LIMA1: variants seen among roughly 807,000 people sequenced by gnomAD.
LIMA1 encodes the protein LIM domain and actin-binding protein 1.
A neutral mutation model predicts 62.6 loss-of-function variants in LIMA1; 52 were observed. The observed-to-expected ratio is 0.83, with a 90% CI of 0.67 to 1.05. The LOEUF is 1.05. LIMA1 is among the 50% of genes least tolerant of loss of function. LIMA1 has a pLI of 0.00. For missense variants in LIMA1, 780 were observed against 902.2 expected (o/e 0.86, Z 1.74); for synonymous variants, 302 against 317.8 (o/e 0.95, Z 0.53).
chr12:50,251,862 ACTTGT>A (rs1371891133), intron 1 of LIMA1, among the ~76,000 whole-genome samples: 1 of 152,204 alleles, frequency 6.6e-6, no homozygotes, highest in Non-Finnish European at 1.5e-5. Context: ...CCCTGACCAC[ACTTGT>A]CTTCACAGAA....
chr12:50,213,551 C>T (rs942227177), intron 4 of LIMA1, among the ~76,000 whole-genome samples: 3 of 152,244 alleles, frequency 2.0e-5, no homozygotes, highest in African/African-American at 7.2e-5. Flanking sequence ...ACTTCTTAAA[C>T]TCTCTTAAGG....
intron 9 of LIMA1, among the ~76,000 whole-genome samples, chr12:50,192,123 G>T (rs1439893891): frequency 1.4e-5 from 2 of 145,070 alleles, no homozygotes; most frequent in African/African-American, 5.2e-5. Context: ...GTGACAGAGC[G>T]AGATTCTGTC....
chr12:50,184,963 C>A (rs1182115841), intron 9 of LIMA1, among the ~76,000 whole-genome samples: 1 of 152,088 alleles, frequency 6.6e-6, no homozygotes, highest in African/African-American at 2.4e-5. Flanking sequence ...TCCTGAGTAG[C>A]TGGGATTACA....
At chr12:50,280,077 A>G (rs1355365507) in intron 1 of LIMA1, among the ~76,000 whole-genome samples, 2 of 151,984 alleles carry the variant, frequency 1.3e-5, no homozygotes, top group Non-Finnish European at 2.9e-5. Flanking sequence ...ACTTGTTATC[A>G]GAAGTACAAA....
chr12:50,279,092 GCC>G (rs1942308555), intron 1 of LIMA1, among the ~76,000 whole-genome samples: 1 of 149,166 alleles, frequency 6.7e-6, no homozygotes, highest in East Asian at 2.0e-4. Context: ...TGCAACCTCT[GCC>G]TCCTGGGTTC....
At chr12:50,238,510 A>C (rs575384492) in intron 2 of LIMA1, among the ~76,000 whole-genome samples, 155 of 151,916 alleles carry the variant, frequency 1.0e-3, no homozygotes, top group Non-Finnish European at 1.8e-3. Context: ...CTGTCTCAAA[A>C]AAAACAAAAC....
At chr12:50,279,211 G>A (rs199759752) in intron 1 of LIMA1, among the ~76,000 whole-genome samples, 1 of 150,894 alleles carries the variant, frequency 6.6e-6, no homozygotes, top group Non-Finnish European at 1.5e-5. Context: ...TCACTATGTT[G>A]GCCAGGCTGG....
At chr12:50,235,273 CTTTT>C (rs1036341264) in intron 2 of LIMA1, among the ~76,000 whole-genome samples, 2 of 124,378 alleles carry the variant, frequency 1.6e-5, no homozygotes, top group Non-Finnish European at 3.3e-5. Flanking sequence ...AATCCTATCA[CTTTT>C]TTTTTTTTTT....
rs1470996189 is a variant in LIMA1, at chr12:50,222,218, T to C, written c.433A>G (p.Ile145Val). ...EALVQGRYPH[I>V]KDGEDLKDHS... ...TCTTTAAGATCCTCACCGTCCTTGA[T>C]GTGGGGATATCGACCCTGAACGAGG... The change falls in exon 4 of 11, where the codon ATC becomes GTC. Residue 145 changes from isoleucine to valine, a missense_variant. Physicochemically the swap from Ile to Val is conservative, Grantham distance 29 (BLOSUM62 3). Transcript: ENST00000341247. 6.2e-7 allele frequency: 1 copy of C among 1,614,088 alleles called. No individual in the cohort carries two copies. Among genetic ancestry groups the C allele is most frequent in the East Asian group, 2.2e-5 (1 of 44,902 alleles).
chr12:50,213,034 C>T (rs1037729779), intron 4 of LIMA1, among the ~76,000 whole-genome samples: 5 of 152,060 alleles, frequency 3.3e-5, no homozygotes, highest in Non-Finnish European at 4.4e-5. Flanking sequence ...AGGCTGGTCT[C>T]GAACTCCTGA....
chr12:50,205,939 G>A (rs1941144026), intron 5 of LIMA1, 45 bp downstream of exon 5: 4 of 1,418,270 alleles, frequency 2.8e-6, no homozygotes, highest in Non-Finnish European at 3.0e-6. Flanking sequence ...TACTACTAGT[G>A]AGTACTTCCT....
chr12:50,261,514 C>G (rs1942073498), intron 1 of LIMA1, among the ~76,000 whole-genome samples: 1 of 152,134 alleles, frequency 6.6e-6, no homozygotes, highest in Non-Finnish European at 1.5e-5. Flanking sequence ...CACTGCTACC[C>G]TCTGTCTGAA....
chr12:50,274,734 T>C (rs1265048954), intron 1 of LIMA1, among the ~76,000 whole-genome samples: 1 of 152,106 alleles, frequency 6.6e-6, no homozygotes, highest in Non-Finnish European at 1.5e-5. Context: ...ACAGCTTCTT[T>C]AGGCAGTGAT....
intron 1 of LIMA1, among the ~76,000 whole-genome samples, chr12:50,263,882 A>ATGTATATATATATATAAAG (rs1942107279): frequency 5.6e-5 from 6 of 107,412 alleles, no homozygotes; most frequent in African/African-American, 2.3e-4. Flanking sequence ...TATATAAAGT[A>ATGTATATATATATATAAAG]TATATATATA....
chr12:50,261,586 A>G lies in LIMA1; in HGVS notation c.-23-12812T>C, dbSNP rs78639164. ...CAGCTTGGGTGACACTTTGTTCCAGATGCCTTCCCTGACCCCTCAAGCTTG... is the reference window on the plus strand; with the variant it reads ...CAGCTTGGGTGACACTTTGTTCCAGGTGCCTTCCCTGACCCCTCAAGCTTG... On this transcript the variant is annotated intron_variant, in intron 1 of 10. Coordinates refer to ENST00000341247, the MANE Select transcript of LIMA1 (RefSeq NM_016357.5). 6.8e-3 allele frequency among the ~76,000 whole-genome samples: 1,034 copies of G among 152,138 alleles called. 9 individuals are homozygous for G. Among genetic ancestry groups the G allele is most frequent in the African/African-American group, 0.024 (1,001 of 41,488 alleles).
At chr12:50,220,434 CTCACTAGATATTTATGAGAA>C (rs1351146745) in intron 4 of LIMA1, 1 of 152,202 alleles carries the variant, frequency 6.6e-6, no homozygotes, top group Non-Finnish European at 1.5e-5. Flanking sequence ...TGACCCATAT[CTCACTAGATATTTATGAGAA>C]AAAGTGTCTC....
chr12:50,268,594 A>AATTAGTATT (rs1555211381), intron 1 of LIMA1, among the ~76,000 whole-genome samples: 4 of 149,188 alleles, frequency 2.7e-5, no homozygotes, highest in African/African-American at 9.9e-5. Context: ...GCCATGAAGC[A>AATTAGTATT]ATTATTATTA....
intron 2 of LIMA1, among the ~76,000 whole-genome samples, chr12:50,245,583 CT>C (rs1355105128): frequency 6.6e-6 from 1 of 151,168 alleles, no homozygotes; most frequent in East Asian, 1.9e-4. Flanking sequence ...GTTTTCTCCC[CT>C]ATCACTTTTT....
intron 10 of LIMA1, among the ~76,000 whole-genome samples, chr12:50,180,411 G>A (rs775684196): frequency 1.3e-5 from 2 of 152,098 alleles, no homozygotes; most frequent in Non-Finnish European, 2.9e-5. Context: ...GGAGACAAAG[G>A]TTGCAGTGAG....
Sources: allele counts gnomAD v4.1 joint callset (sites outside exome capture counted in the v4.1 genomes callset), GRCh38; gene constraint gnomAD v4.1.1; transcripts MANE v1.5; gene names NCBI Gene and HGNC (gene_info 2026-07-23, HGNC 2026-07-21).